The following POU2F1 variants were observed in gnomAD, a reference collection of about 807,000 sequenced individuals.
The protein encoded by POU2F1 is POU domain, class 2, transcription factor 1.
POU2F1 carries 16 observed loss-of-function variants against 84.9 expected under a neutral mutation model. The ratio of observed to expected loss-of-function variants is 0.19; its 90% CI spans 0.13 to 0.29. POU2F1 has a LOEUF of 0.29. Ranked by LOEUF, POU2F1 falls within the 10% of genes least tolerant of loss-of-function variation. POU2F1 has a pLI of 1.00. For synonymous variants in POU2F1, 368 were observed against 368.3 expected (o/e 1.00, Z 0.01); for missense variants, 738 against 942.6 (o/e 0.78, Z 2.84).
intron 1 of POU2F1, among the ~76,000 whole-genome samples, chr1:167,322,722 G>C (rs1477059869): frequency 6.6e-6 from 1 of 152,202 alleles, no homozygotes; most frequent in Non-Finnish European, 1.5e-5. Context: ...CTTCAGAGCT[G>C]AGAGCCACAA....
intron 2 of POU2F1, among the ~76,000 whole-genome samples, chr1:167,335,387 G>A (rs1198113558): frequency 1.3e-5 from 2 of 152,274 alleles, no homozygotes; most frequent in East Asian, 3.9e-4. Context: ...TATAGGTCAG[G>A]TGGAAGGACC....
intron 2 of POU2F1, among the ~76,000 whole-genome samples, chr1:167,360,116 GGTT>G (rs2101815211): frequency 6.6e-6 from 1 of 152,002 alleles, no homozygotes; most frequent in Admixed American, 6.5e-5. Context: ...CTATTCTGTA[GGTT>G]GTTTATTCTG....
intron 1 of POU2F1, among the ~76,000 whole-genome samples, chr1:167,276,204 A>C (rs111713502): frequency 3.9e-5 from 6 of 152,300 alleles, no homozygotes; most frequent in African/African-American, 1.4e-4. Context: ...GAGGACGTGA[A>C]TCTTTCCTTT....
At chr1:167,372,695 G>C (rs1660085072) in intron 5 of POU2F1, among the ~76,000 whole-genome samples, 1 of 152,162 alleles carries the variant, frequency 6.6e-6, no homozygotes, top group African/African-American at 2.4e-5. Flanking sequence ...TAGCCAAAAG[G>C]CTGAGACGTT....
At position 167,426,314 on chromosome 1, in the gene POU2F1, T is replaced by G. The variant is rs1450839355; in HGVS notation, c.*10504T>G. On this transcript the variant is annotated 3_prime_UTR_variant, in exon 16 of 16. Transcript: ENST00000367866. Reference sequence around the variant, plus strand: ...AGTCATAGCATGAAAATAATTGAACTGTCCTATTCTTAGTAGTTTGAAATA... The same window carrying G: ...AGTCATAGCATGAAAATAATTGAACGGTCCTATTCTTAGTAGTTTGAAATA... 1.3e-5 allele frequency: 2 copies of G among 152,216 alleles called. No individual in the cohort carries two copies. The highest frequency in any genetic ancestry group is 2.4e-5 in the African/African-American group (1 of 41,456). 9.4% of individuals were successfully genotyped at this position (152,216 alleles called of 1,614,324 possible).
chr1:167,223,536 TGTGTTA>T (rs1648395662), intron 1 of POU2F1, among the ~76,000 whole-genome samples: 3 of 152,272 alleles, frequency 2.0e-5, no homozygotes, highest in African/African-American at 4.8e-5. Flanking sequence ...TTAACACTAA[TGTGTTA>T]AACCTTTGAA....
chr1:167,327,955 C>T (rs1196761589), intron 1 of POU2F1, among the ~76,000 whole-genome samples: 1 of 151,956 alleles, frequency 6.6e-6, no homozygotes, highest in Non-Finnish European at 1.5e-5. Context: ...TTATAAATCT[C>T]CTGAATTGTC....
intron 2 of POU2F1, chr1:167,338,327 C>A: frequency 2.3e-6 from 1 of 425,732 alleles, no homozygotes; most frequent in Non-Finnish European, 4.7e-6. Flanking sequence ...GTATATAATA[C>A]ATATACAAAT....
At chr1:167,264,485 G>A (rs924892756) in intron 1 of POU2F1, among the ~76,000 whole-genome samples, 3 of 152,140 alleles carry the variant, frequency 2.0e-5, no homozygotes, top group African/African-American at 7.2e-5. Context: ...GAGCCTTTTA[G>A]ACCATATTGG....
Position 167,416,087 on chromosome 1 carries a change from TAAAAAAAA to T in POU2F1, c.*289_*296del. 2 of 351,044 alleles carry T rather than the reference TAAAAAAAA, an allele frequency of 5.7e-6. No individual in the cohort carries two copies. Among genetic ancestry groups the T allele is most frequent in the South Asian group, 4.2e-5 (2 of 47,078 alleles). The allele number at this position is 351,044 out of a possible 1,614,324, so 21.7% of individuals were successfully genotyped here. A position where few individuals can be genotyped will look rare whatever the true frequency, so the allele number is the denominator to read the frequency against. ...ATTGGAGAACTTTCTAACCAAAAAT[TAAAAAAAA>T]AAAAAAAAAAAGAAACAAAAAAATC... On this transcript the variant is annotated 3_prime_UTR_variant, in exon 16 of 16. Coordinates refer to ENST00000367866, the MANE Select transcript of POU2F1 (RefSeq NM_002697.4).
intron 1 of POU2F1, among the ~76,000 whole-genome samples, chr1:167,247,863 A>G (rs906497338): frequency 1.3e-5 from 2 of 152,228 alleles, no homozygotes; most frequent in Admixed American, 6.5e-5. Context: ...CAGATTTTGA[A>G]TGTTTAAATT....
chr1:167,362,691 G>T (rs1035351799), intron 2 of POU2F1, among the ~76,000 whole-genome samples: 2 of 152,142 alleles, frequency 1.3e-5, no homozygotes, highest in Non-Finnish European at 2.9e-5. Context: ...CACTACTTTT[G>T]TTGGGGTTTC....
chr1:167,360,863 A>G (rs1557925862), intron 2 of POU2F1, among the ~76,000 whole-genome samples: 2 of 151,886 alleles, frequency 1.3e-5, no homozygotes, highest in Admixed American at 1.3e-4. Context: ...GTCGTCTGTG[A>G]TTTCTTTTAA....
intron 8 of POU2F1, among the ~76,000 whole-genome samples, chr1:167,385,402 C>T (rs10918685): frequency 0.61 from 93,198 of 151,836 alleles, 30,397 homozygotes; most frequent in East Asian, 0.87. Context: ...AATTGAAGGA[C>T]TACTGATGTC....
intron 1 of POU2F1, among the ~76,000 whole-genome samples, chr1:167,296,229 A>T (rs1571247512): frequency 6.6e-6 from 1 of 152,140 alleles, no homozygotes; most frequent in African/African-American, 2.4e-5. Context: ...GTTTTATGTT[A>T]CTTCTAAGCA....
At chr1:167,259,759 A>G (rs1164623072) in intron 1 of POU2F1, among the ~76,000 whole-genome samples, 1 of 152,222 alleles carries the variant, frequency 6.6e-6, no homozygotes, top group African/African-American at 2.4e-5. Flanking sequence ...CATCTTTGCC[A>G]AGATAGTGTA....
intron 9 of POU2F1, among the ~76,000 whole-genome samples, chr1:167,392,379 A>C (rs1031044691): frequency 6.6e-6 from 1 of 152,006 alleles, no homozygotes; most frequent in East Asian, 1.9e-4. Flanking sequence ...AGAAAGAAAG[A>C]AAGCTAAACA....
chr1:167,401,751 C>A (rs2273964), intron 13 of POU2F1, among the ~76,000 whole-genome samples, 195 bp downstream of exon 13: 109,588 of 152,172 alleles, frequency 0.72, 39,669 homozygotes, highest in East Asian at 0.87. Flanking sequence ...TCAGAAAAAC[C>A]TCCAAGTTTG....
intron 1 of POU2F1, among the ~76,000 whole-genome samples, chr1:167,266,764 C>CA (rs1416325541): frequency 2.0e-5 from 3 of 151,886 alleles, no homozygotes; most frequent in Non-Finnish European, 4.4e-5. Context: ...GCTGGGATTA[C>CA]AGGCACGTGC....
Sources: gnomAD v4.1 joint callset for allele counts (sites outside exome capture counted in the v4.1 genomes callset) on GRCh38, gnomAD v4.1.1 for gene constraint, MANE v1.5 for transcripts, NCBI Gene and HGNC (gene_info 2026-07-23, HGNC 2026-07-21) for gene names.